JPH1: variants seen among roughly 807,000 people sequenced by gnomAD.
JPH1 encodes junctophilin-1.
In JPH1, 12 loss-of-function variants were observed where a neutral mutation model predicts 53.6. The ratio of observed to expected loss-of-function variants is 0.22; its 90% CI spans 0.14 to 0.36. The LOEUF (loss-of-function observed/expected upper bound fraction) is 0.36. Ranked by LOEUF, JPH1 falls within the 10% of genes least tolerant of loss-of-function variation. JPH1 has a pLI of 1.00. For missense variants in JPH1, 808 were observed against 905.5 expected (o/e 0.89, Z 1.38); for synonymous variants, 375 against 363.8 (o/e 1.03, Z -0.35).
At chr8:74,302,002 C>T (rs533077248) in intron 2 of JPH1, among the ~76,000 whole-genome samples, 55 of 152,338 alleles carry the variant, frequency 3.6e-4, no homozygotes, top group African/African-American at 1.3e-3. Context: ...CTGACGCTGC[C>T]GTGTGCTTGC....
chr8:74,302,959 GAAAA>G lies in JPH1; in HGVS notation c.1139+11898_1139+11901del, dbSNP rs34040034. Among the ~76,000 whole-genome samples, 125 of 136,734 alleles carry G rather than the reference GAAAA, an allele frequency of 9.1e-4. No homozygotes were observed. The East Asian group carries it at 0.011, about 12-fold the overall frequency. 89.7% of individuals were successfully genotyped at this position (136,734 alleles called of 152,430 possible). A position where few individuals can be genotyped will look rare whatever the true frequency, so the allele number is the denominator to read the frequency against. On this transcript the variant is annotated intron_variant, in intron 2 of 5. Coordinates refer to ENST00000342232, the MANE Select transcript of JPH1 (RefSeq NM_020647.4). Reference sequence around the variant, plus strand: ...TTGTTCCAGTAGGTTGCCAAGAAAAGAAAAAAAAAAAAAAAAACAGTCCAACAGA... The same window carrying G: ...TTGTTCCAGTAGGTTGCCAAGAAAAGAAAAAAAAAAAAACAGTCCAACAGA...
chr8:74,268,090 G>GGA (rs1156973094), intron 2 of JPH1, among the ~76,000 whole-genome samples: 1 of 151,970 alleles, frequency 6.6e-6, no homozygotes, highest in African/African-American at 2.4e-5. Context: ...TGTAAAATAG[G>GGA]GAGAATACTA....
intron 2 of JPH1, among the ~76,000 whole-genome samples, chr8:74,304,701 A>G (rs925606684): frequency 6.6e-6 from 1 of 152,246 alleles, no homozygotes; most frequent in Non-Finnish European, 1.5e-5. Flanking sequence ...AATTCTATTG[A>G]TTCAATATAG....
At position 74,315,532 on chromosome 8, in the gene JPH1, G is replaced by C. The variant is rs746714542; in HGVS notation, c.468C>G (p.Arg156=). ...SVPYGMATVI[R]SPLRTSLASL... is the part of the protein sequence containing the mutation. ...AGGCCAGCGAGGTACGCAGCGGTGAGCGGATCACCGTGGCCATGCCGTAGG... is the reference window on the plus strand; with the variant it reads ...AGGCCAGCGAGGTACGCAGCGGTGACCGGATCACCGTGGCCATGCCGTAGG... The change falls in exon 2 of 6, where the codon CGC becomes CGG. Residue 156 remains arginine (R), a synonymous_variant. Transcript: ENST00000342232. The surrounding 1 kb of genome is among the most constrained non-coding windows in gnomAD (Gnocchi z 6.3). 2 of 1,606,322 alleles carry C rather than the reference G, an allele frequency of 1.2e-6. No homozygotes were observed. The highest frequency in any genetic ancestry group is 1.7e-6 in the Non-Finnish European group (2 of 1,177,986).
At chr8:74,273,748 T>C (rs561726444) in intron 2 of JPH1, among the ~76,000 whole-genome samples, 12 of 152,352 alleles carry the variant, frequency 7.9e-5, no homozygotes, top group African/African-American at 2.6e-4. Flanking sequence ...AGTAACCCGA[T>C]TTTATTTTAA....
intron 4 of JPH1, among the ~76,000 whole-genome samples, chr8:74,243,760 C>T (rs1026557736): frequency 3.3e-5 from 5 of 152,160 alleles, no homozygotes; most frequent in African/African-American, 4.8e-5. Flanking sequence ...TAATTCCATA[C>T]ATTATTCAAA....
At position 74,237,252 on chromosome 8, in the gene JPH1, C is replaced by T. The variant is rs751637698; in HGVS notation, c.1957G>A (p.Ala653Thr). 1 of 1,613,376 alleles carries T rather than the reference C, an allele frequency of 6.2e-7. No individual in the cohort carries two copies. The highest frequency in any genetic ancestry group is 8.5e-7 in the Non-Finnish European group (1 of 1,179,664). The change falls in exon 5 of 6, where the codon GCC (alanine) becomes ACC (threonine). Residue 653 changes from alanine to threonine, a missense_variant. This residue lies in a region of JPH1 where 756 missense variants were observed against 811.9 expected (regional missense o/e 0.93). Coordinates refer to ENST00000342232, the MANE Select transcript of JPH1 (RefSeq NM_020647.4). ...GTTAGAAAGTGAACAAAAAGAATGG[C>T]CAACCCGATATTCAACAGCATGACA... Reference protein sequence around the residue: ...VLVMLLNIGLAILFVHFLT With the variant: ...VLVMLLNIGLTILFVHFLT
chr8:74,293,168 AC>A (rs1481229243), intron 2 of JPH1, among the ~76,000 whole-genome samples: 1 of 152,168 alleles, frequency 6.6e-6, no homozygotes, highest in Admixed American at 6.5e-5. Context: ...GAGCCAATGA[AC>A]TTCTACTACT....
At chr8:74,285,042 C>A (rs992783398) in intron 2 of JPH1, among the ~76,000 whole-genome samples, 4 of 152,082 alleles carry the variant, frequency 2.6e-5, no homozygotes, top group African/African-American at 9.7e-5. Flanking sequence ...TCAGGCTGGT[C>A]TCGAACTCCT....
chr8:74,258,503 G>C lies in JPH1; in HGVS notation c.1258+882C>G, dbSNP rs1410549082. On this transcript the variant is annotated intron_variant, in intron 3 of 5. Transcript: ENST00000342232. ...TAACATCTGAGAGGCAGATGACCAA[G>C]ATCGATTTTTTTGAGGTTGTCACTT... Among the ~76,000 whole-genome samples, 3 of 152,182 alleles carry C rather than the reference G, an allele frequency of 2.0e-5. No individual in the cohort carries two copies. The East Asian group carries it at 5.8e-4, about 29-fold the overall frequency.
rs752821171 is a variant in JPH1 at position 74,245,185 on chromosome 8, A to AAAAAAAG, written c.1259-17_1259-11dup. The AAAAAAAG allele has an allele frequency of 6.4e-7, 1 of 1,551,548 alleles. No homozygotes were observed. The highest frequency in any genetic ancestry group is 8.6e-7 in the Non-Finnish European group (1 of 1,157,978). Reference sequence around the variant, plus strand: ...TTGACGTAATCAGGGCCTGGCCAAAAAAAAAAGAAAAAAGAAAAAAAGAAA... The same window carrying AAAAAAAG: ...TTGACGTAATCAGGGCCTGGCCAAAAAAAAAAGAAAAAAGAAAAAAGAAAAAAAGAAA... On this transcript the variant is annotated splice_polypyrimidine_tract_variant and intron_variant, in intron 3 of 5. Transcript: ENST00000342232.
intron 2 of JPH1, among the ~76,000 whole-genome samples, chr8:74,305,156 G>A (rs920617490): frequency 1.3e-5 from 2 of 152,232 alleles, no homozygotes; most frequent in East Asian, 1.9e-4. Context: ...AATAAGAAAA[G>A]CATCTCAAAG....
intron 2 of JPH1, among the ~76,000 whole-genome samples, chr8:74,269,888 T>G (rs1806647612): frequency 6.6e-6 from 1 of 152,264 alleles, no homozygotes; most frequent in Non-Finnish European, 1.5e-5. Flanking sequence ...TAGATTTGTT[T>G]TAGCAAACAT....
chr8:74,301,519 C>T (rs772375631), intron 2 of JPH1, among the ~76,000 whole-genome samples: 3 of 152,196 alleles, frequency 2.0e-5, no homozygotes, highest in East Asian at 1.9e-4. Context: ...CTGCAGTGGG[C>T]GGACAGATCG....
intron 2 of JPH1, among the ~76,000 whole-genome samples, chr8:74,268,028 A>T (rs1806585579): frequency 6.6e-6 from 1 of 152,116 alleles, no homozygotes; most frequent in Non-Finnish European, 1.5e-5. Context: ...CCAGGTGCAC[A>T]CCCCACTTTA....
At chr8:74,253,458 C>G (rs1032648521) in intron 3 of JPH1, among the ~76,000 whole-genome samples, 1 of 152,034 alleles carries the variant, frequency 6.6e-6, no homozygotes, top group African/African-American at 2.4e-5. Flanking sequence ...CTAAAATTGA[C>G]ACCCTAACAT....
chr8:74,245,824 G>A (rs1438763795), intron 3 of JPH1, among the ~76,000 whole-genome samples: 1 of 149,240 alleles, frequency 6.7e-6, no homozygotes. Context: ...TATACCTCAG[G>A]ATTGTTTATA....
chr8:74,287,905 A>G (rs540907166), intron 2 of JPH1, among the ~76,000 whole-genome samples: 17 of 152,318 alleles, frequency 1.1e-4, no homozygotes, highest in African/African-American at 4.1e-4. Flanking sequence ...CAAACTAAAG[A>G]GAAAACATCT....
chr8:74,240,129 G>T (rs1304425892), intron 4 of JPH1, among the ~76,000 whole-genome samples: 1 of 151,946 alleles, frequency 6.6e-6, no homozygotes, highest in African/African-American at 2.4e-5. Context: ...TCACTACGAT[G>T]CCCAGCTAAC....
Sources: allele counts gnomAD v4.1 joint callset (sites outside exome capture counted in the v4.1 genomes callset), GRCh38; gene constraint gnomAD v4.1.1; regional missense constraint gnomAD v4.1.1; non-coding constraint Gnocchi (gnomAD v3.1); transcripts MANE v1.5; gene names NCBI Gene and HGNC (gene_info 2026-07-23, HGNC 2026-07-21).